The following CPT1A variants were observed in gnomAD, a reference collection of about 807,000 sequenced individuals.
The protein encoded by CPT1A is carnitine O-palmitoyltransferase 1, liver isoform.
In CPT1A, 64 loss-of-function variants were observed where a neutral mutation model predicts 100.8. The ratio of observed to expected loss-of-function variants is 0.63; its 90% CI spans 0.52 to 0.78. CPT1A has a LOEUF of 0.78. Among genes scored for constraint, CPT1A ranks in the 30% least tolerant of loss-of-function variants. The probability of loss-of-function intolerance (pLI) is 0.00; values close to 1 mark genes in which losing one functional copy is unlikely to be tolerated. For synonymous variants in CPT1A, 363 were observed against 396.0 expected, an observed-to-expected ratio of 0.92 and a Z score of 0.99; for missense variants, 802 against 1,034.1, an observed-to-expected ratio of 0.78 and a Z score of 3.08.
Position 68,806,375 on chromosome 11 carries a change from G to C in CPT1A, c.453+1092C>G, listed in dbSNP as rs139622029. ...AGACCGGGTGTGATGGCTCATGCCT[G>C]TAATCCCAACACTTTGGGAGGTCAA... On this transcript the variant is annotated intron_variant, in intron 4 of 18. Coordinates refer to ENST00000265641, the MANE Select transcript of CPT1A (RefSeq NM_001876.4). Among the ~76,000 whole-genome samples the C allele has an allele frequency of 1.7e-3, 256 of 152,204 alleles. 2 individuals are homozygous for C. The highest frequency in any genetic ancestry group is 5.5e-3 in the African/African-American group (228 of 41,536).
intron 2 of CPT1A, 21 bp from the exon 3 acceptor site, chr11:68,812,597 C>T (rs769870183): frequency 1.2e-5 from 19 of 1,613,728 alleles, no homozygotes; most frequent in East Asian, 2.2e-5. Context: ...ACACCCGGGC[C>T]GTGAGCGGTG....
intron 3 of CPT1A, among the ~76,000 whole-genome samples, chr11:68,808,402 C>T (rs934915856): frequency 2.2e-4 from 33 of 149,850 alleles, no homozygotes; most frequent in Non-Finnish European, 4.0e-4. Flanking sequence ...ACAAGAGTCT[C>T]GCTCTGCTGC....
In CPT1A at chr11:68,775,425, A is replaced by G; in HGVS notation, c.1466T>C (p.Met489Thr). ...GCCCAGCTGGAGGCTGTCAATGGAC[A>G]TGACGTACTGTCAAAAATAGAACAA... Reference protein sequence around the residue: ...PIVAHLWEYVMSIDSLQLGYA... With the variant: ...PIVAHLWEYVTSIDSLQLGYA... Residue 489 changes from methionine to threonine, a missense_variant, in exon 13 of 19, where the codon ATG becomes ACG. Met to Thr is a moderately conservative substitution (Grantham distance 81). Coordinates refer to ENST00000265641, the MANE Select transcript of CPT1A (RefSeq NM_001876.4). 6.2e-7 allele frequency: 1 copy of G among 1,612,772 alleles called. No individual in the cohort carries two copies. The highest frequency in any genetic ancestry group is 8.5e-7 in the Non-Finnish European group (1 of 1,178,682).
At chr11:68,782,534 C>G (rs1447916506) in intron 10 of CPT1A, among the ~76,000 whole-genome samples, 1 of 152,178 alleles carries the variant, frequency 6.6e-6, no homozygotes, top group African/African-American at 2.4e-5. Flanking sequence ...TCCACAGATG[C>G]CCATGTGACC....
intron 1 of CPT1A, among the ~76,000 whole-genome samples, chr11:68,837,938 T>C (rs1035987776): frequency 6.6e-6 from 1 of 152,134 alleles, no homozygotes; most frequent in Non-Finnish European, 1.5e-5. Context: ...AAGGGTGAGT[T>C]AGGAAGAAGT....
chr11:68,776,263 G>A (rs974781411), intron 12 of CPT1A, among the ~76,000 whole-genome samples: 1 of 152,190 alleles, frequency 6.6e-6, no homozygotes, highest in African/African-American at 2.4e-5. Context: ...GCCAGGTGTG[G>A]TGGCACATGG....
chr11:68,798,256 C>T (rs550993505), intron 6 of CPT1A, among the ~76,000 whole-genome samples: 90 of 152,358 alleles, frequency 5.9e-4, no homozygotes, highest in African/African-American at 1.2e-3. Flanking sequence ...ACCTACAGAA[C>T]AGTGCCCATG....
At chr11:68,823,138 T>C (rs1479569567) in intron 1 of CPT1A, among the ~76,000 whole-genome samples, 1 of 151,976 alleles carries the variant, frequency 6.6e-6, no homozygotes, top group African/African-American at 2.4e-5. Context: ...TAGTCCCAGC[T>C]ACTAAGGAGG....
At position 68,804,027 on chromosome 11, in the gene CPT1A, G is replaced by T. The variant is rs917723842; in HGVS notation, c.528C>A (p.Val176=). 2 of 1,614,030 alleles carry T rather than the reference G, an allele frequency of 1.2e-6. No homozygotes were observed. The highest frequency in any genetic ancestry group is 1.3e-5 in the African/African-American group (1 of 75,056). ...TGTTCACAGTGTCTTTGACAGCCGG[G>T]ACCGGCAGGCGAGGCAGCGATGTCT... is the stretch of plus-strand genomic sequence containing the variant. ...SFQTSLPRLP[V]PAVKDTVNRY... is the part of the protein sequence containing the mutation. The change falls in exon 5 of 19, where the codon GTC becomes GTA. Residue 176 remains valine, a synonymous_variant. Coordinates refer to ENST00000265641, the MANE Select transcript of CPT1A (RefSeq NM_001876.4).
Position 68,781,872 on chromosome 11 carries a change from A to G in CPT1A, c.1251T>C (p.Phe417=), listed in dbSNP as rs2228502. ...CTTCTTCAGTTTCATCTAACGTCAC[A>G]AAGAACGCTGCTTTCTCCACAGCAT... ...SLDAVEKAAF[F]VTLDETEEGY... is the part of the protein sequence containing the mutation. The change falls in exon 11 of 19, where the codon TTT becomes TTC. Residue 417 remains phenylalanine, a synonymous_variant. Coordinates refer to ENST00000265641, the MANE Select transcript of CPT1A (RefSeq NM_001876.4). The G allele has an allele frequency of 0.94, 1,514,002 of 1,613,992 alleles. 710,871 individuals carry two copies. The highest frequency in any genetic ancestry group is 0.95 in the Non-Finnish European group (1,117,583 of 1,179,980).
chr11:68,814,110 TTTTGAC>T (rs1035388964), intron 2 of CPT1A, among the ~76,000 whole-genome samples: 4 of 152,124 alleles, frequency 2.6e-5, no homozygotes, highest in African/African-American at 7.2e-5. Flanking sequence ...GGATTTCCAC[TTTTGAC>T]TTGATGAACT....
intron 15 of CPT1A, 36 bp downstream of exon 15, chr11:68,762,591 C>A (rs1002097251): frequency 6.2e-7 from 1 of 1,611,410 alleles, no homozygotes; most frequent in Middle Eastern, 1.7e-4. Context: ...GGAAGTGTGA[C>A]AAGCACGTTG....
intron 4 of CPT1A, among the ~76,000 whole-genome samples, chr11:68,805,346 G>A (rs1191792669): frequency 6.6e-6 from 1 of 152,032 alleles, no homozygotes; most frequent in Non-Finnish European, 1.5e-5. Flanking sequence ...AGCTACTGTG[G>A]AGGCTGAGGT....
intron 1 of CPT1A, among the ~76,000 whole-genome samples, chr11:68,826,303 G>A (rs946007410): frequency 2.6e-5 from 4 of 152,026 alleles, no homozygotes; most frequent in Non-Finnish European, 4.4e-5. Flanking sequence ...AAAATTAGCC[G>A]GATCTGGTGG....
upstream of CPT1A, chr11:68,842,036 C>T: frequency 1.6e-5 from 15 of 913,966 alleles, no homozygotes; most frequent in Non-Finnish European, 2.0e-5. Context: ...GAAACTGAGG[C>T]TCGAGCGGGT....
chr11:68,788,850 C>A (rs576508784), intron 9 of CPT1A, among the ~76,000 whole-genome samples: 4 of 152,138 alleles, frequency 2.6e-5, no homozygotes, highest in African/African-American at 9.6e-5. Flanking sequence ...TTGCTGGGGA[C>A]GTGAAAGTTG....
At chr11:68,782,071 A>G in intron 10 of CPT1A, 112 bp from the exon 11 acceptor site, 1 of 1,049,194 alleles carries the variant, frequency 9.5e-7, no homozygotes, top group Non-Finnish European at 1.4e-6. Context: ...CTCGAAGGAA[A>G]ACTCCATGTT....
chr11:68,768,066 C>CTTTTTTTTTTT lies in CPT1A; in HGVS notation c.1740+5188_1740+5198dup. On this transcript the variant is annotated intron_variant, in intron 14 of 18. Transcript: ENST00000265641. The stretch of plus-strand genomic sequence containing the variant: ...TCTCAGACACTTTCTAGTTTCCAGT[C>CTTTTTTTTTTT]TTTTTTTTTTTTTTTTTTTTTTTTT... Among the ~76,000 whole-genome samples, 128 of 71,250 alleles carry CTTTTTTTTTTT rather than the reference C, an allele frequency of 1.8e-3. 31 individuals carry two copies. The highest frequency in any genetic ancestry group is 4.9e-3 in the African/African-American group (81 of 16,382). 46.7% of individuals were successfully genotyped at this position (71,250 alleles called of 152,430 possible). A position where few individuals can be genotyped will look rare whatever the true frequency, so the allele number is the denominator to read the frequency against.
At position 68,757,265 on chromosome 11, in the gene CPT1A, C is replaced by A; in HGVS notation, c.*379G>T. On this transcript the variant is annotated 3_prime_UTR_variant, in exon 19 of 19. Coordinates refer to ENST00000265641, the MANE Select transcript of CPT1A (RefSeq NM_001876.4). ...TACCCTGCTTGGATGATGCTAAATG[C>A]CCTTAAGCACTAGGCCTTCGGTTGC... 4.5e-6 allele frequency: 5 copies of A among 1,111,088 alleles called. No individual in the cohort carries two copies. The South Asian group carries it at 1.2e-4, about 26-fold the overall frequency. 68.8% of individuals were successfully genotyped at this position (1,111,088 alleles called of 1,614,324 possible).
Sources: allele counts gnomAD v4.1 joint callset (sites outside exome capture counted in the v4.1 genomes callset), GRCh38; gene constraint gnomAD v4.1.1; transcripts MANE v1.5; gene names NCBI Gene and HGNC (gene_info 2026-07-23, HGNC 2026-07-21).